The following GPC5 variants were observed in gnomAD, a reference collection of about 807,000 sequenced individuals.
The protein encoded by GPC5 is glypican 5, also known as glypican-5.
In GPC5, 47 loss-of-function variants were observed where a neutral mutation model predicts 53.9. The observed-to-expected ratio is 0.87, with a 90% confidence interval of 0.69 to 1.11. The LOEUF (loss-of-function observed/expected upper bound fraction) is 1.11, where lower values mean the gene tolerates loss of function less well. Ranked by LOEUF, GPC5 falls within the 50% of genes most tolerant of loss-of-function variation. GPC5 has a pLI of 0.00. For synonymous variants in GPC5, 286 were observed against 263.3 expected (o/e 1.09, Z -0.84); for missense variants, 748 against 713.1 (o/e 1.05, Z -0.56).
intron 5 of GPC5, among the ~76,000 whole-genome samples, chr13:91,802,205 T>C (rs1484321966): frequency 2.0e-5 from 3 of 151,260 alleles, no homozygotes; most frequent in African/African-American, 4.9e-5. Flanking sequence ...GTGTCCAGAG[T>C]TTCTTCCTTC....
intron 7 of GPC5, among the ~76,000 whole-genome samples, chr13:92,416,575 G>C (rs1176840507): frequency 2.0e-5 from 3 of 152,124 alleles, no homozygotes; most frequent in Non-Finnish European, 4.4e-5. Context: ...AATTAATCCA[G>C]AGTGTATCAT....
intron 7 of GPC5, among the ~76,000 whole-genome samples, chr13:92,644,534 G>A (rs1219249537): frequency 6.6e-6 from 1 of 152,106 alleles, no homozygotes; most frequent in Non-Finnish European, 1.5e-5. Context: ...AACTGTCCTA[G>A]TTATGCAAAT....
Position 92,110,935 on chromosome 13 carries a change from A to C in GPC5, c.1402-33895A>C, listed in dbSNP as rs78595831. Among the ~76,000 whole-genome samples the C allele has an allele frequency of 1.9e-3, 296 of 152,298 alleles. 5 individuals carry two copies. In the East Asian group the frequency reaches 0.043, roughly 22 times the overall value. On this transcript the variant is annotated intron_variant, in intron 6 of 7. Coordinates refer to ENST00000377067, the MANE Select transcript of GPC5 (RefSeq NM_004466.6). ...CATGATAATATATGTCCATTTACAC[A>C]ATTAGTCAAAAACTTGTATGTATCA...
At chr13:92,379,245 T>C (rs2043718733) in intron 7 of GPC5, among the ~76,000 whole-genome samples, 1 of 152,196 alleles carries the variant, frequency 6.6e-6, no homozygotes, top group African/African-American at 2.4e-5. Context: ...GTGAAGTTCA[T>C]TTTGGTTAAG....
At chr13:92,177,519 T>C (rs564835785) in intron 7 of GPC5, among the ~76,000 whole-genome samples, 2 of 152,290 alleles carry the variant, frequency 1.3e-5, no homozygotes, top group East Asian at 3.9e-4. Flanking sequence ...CTTATAAAGC[T>C]CTTTTTTGCT....
intron 2 of GPC5, among the ~76,000 whole-genome samples, chr13:91,632,772 G>A (rs918062644): frequency 6.6e-6 from 1 of 152,142 alleles, no homozygotes; most frequent in South Asian, 2.1e-4. Flanking sequence ...AAAAGCTGTT[G>A]AATGGTCACC....
At chr13:92,858,132 G>C (rs979029629) in intron 7 of GPC5, among the ~76,000 whole-genome samples, 1 of 152,136 alleles carries the variant, frequency 6.6e-6, no homozygotes, top group Non-Finnish European at 1.5e-5. Flanking sequence ...TGGTTTGGCT[G>C]TGTTCCCACC....
intron 7 of GPC5, among the ~76,000 whole-genome samples, chr13:92,698,659 A>C (rs1413742883): frequency 6.6e-6 from 1 of 152,194 alleles, no homozygotes. Flanking sequence ...AGCATGATTT[A>C]TAATCCTTTG....
chr13:92,613,358 A>T (rs1366968337), intron 7 of GPC5, among the ~76,000 whole-genome samples: 90 of 90,762 alleles, frequency 9.9e-4, no homozygotes, highest in African/African-American at 3.9e-3. Context: ...ATAAATATAT[A>T]ATATATTTAT....
chr13:91,693,885 A>T lies in GPC5; in HGVS notation c.1020+4A>T. On this transcript the variant is annotated splice_donor_region_variant and intron_variant, in intron 3 of 7. Transcript: ENST00000377067. ...TGGACAAAAATTATTGGAACAGGTA[A>T]GTAGGAGCTCCACATTTTCAGTCTG... is the stretch of plus-strand genomic sequence containing the variant. 16 of 1,575,586 alleles carry T rather than the reference A, an allele frequency of 1.0e-5. No homozygotes were observed. The highest frequency in any genetic ancestry group is 1.4e-5 in the Non-Finnish European group (16 of 1,160,174).
At chr13:92,305,707 C>T (rs537219230) in intron 7 of GPC5, among the ~76,000 whole-genome samples, 15 of 152,192 alleles carry the variant, frequency 9.9e-5, no homozygotes, top group African/African-American at 3.6e-4. Flanking sequence ...TACTAAGCAC[C>T]TATTGTGTTC....
intron 7 of GPC5, among the ~76,000 whole-genome samples, chr13:92,279,011 C>G (rs2042895182): frequency 6.6e-6 from 1 of 151,942 alleles, no homozygotes; most frequent in Non-Finnish European, 1.5e-5. Context: ...TTAAGGGCCC[C>G]TTGTGATTCC....
At chr13:92,605,593 A>ATT (rs1319247704) in intron 7 of GPC5, among the ~76,000 whole-genome samples, 1 of 125,942 alleles carries the variant, frequency 7.9e-6, no homozygotes, top group African/African-American at 2.9e-5. Context: ...TTTTTTTTTT[A>ATT]TTTTTTTGAG....
intron 7 of GPC5, among the ~76,000 whole-genome samples, chr13:92,469,490 A>G (rs1462560652): frequency 6.6e-6 from 1 of 152,138 alleles, no homozygotes; most frequent in Non-Finnish European, 1.5e-5. Context: ...TCTAAGGTCT[A>G]TCATATGGTT....
At chr13:92,746,767 C>T (rs1889250621) in intron 7 of GPC5, among the ~76,000 whole-genome samples, 1 of 152,086 alleles carries the variant, frequency 6.6e-6, no homozygotes, top group South Asian at 2.1e-4. Context: ...ATTGATATCT[C>T]AAACTCTCAC....
intron 7 of GPC5, among the ~76,000 whole-genome samples, chr13:92,155,535 C>T (rs2041937646): frequency 6.6e-6 from 1 of 151,962 alleles, no homozygotes; most frequent in South Asian, 2.1e-4. Flanking sequence ...AATTTGTTAT[C>T]TTCTTTTAAC....
At chr13:92,375,020 C>T (rs189654492) in intron 7 of GPC5, among the ~76,000 whole-genome samples, 9 of 152,134 alleles carry the variant, frequency 5.9e-5, no homozygotes, top group Non-Finnish European at 1.2e-4. Flanking sequence ...TACTTGAGTT[C>T]GTTGCAGTAT....
intron 2 of GPC5, among the ~76,000 whole-genome samples, chr13:91,614,805 C>T (rs2033652366): frequency 6.6e-6 from 1 of 152,144 alleles, no homozygotes; most frequent in Non-Finnish European, 1.5e-5. Context: ...ATTTCGAATA[C>T]TCAAGATATT....
At chr13:91,742,773 C>G (rs1288860611) in intron 4 of GPC5, among the ~76,000 whole-genome samples, 1 of 152,154 alleles carries the variant, frequency 6.6e-6, no homozygotes, top group African/African-American at 2.4e-5. Context: ...TTTATTCAAA[C>G]TCTTCAGGCT....
Sources: allele counts gnomAD v4.1 joint callset (sites outside exome capture counted in the v4.1 genomes callset), GRCh38; gene constraint gnomAD v4.1.1; transcripts MANE v1.5; gene names NCBI Gene and HGNC (gene_info 2026-07-23, HGNC 2026-07-21).